The following TBCK variants were observed in gnomAD, a reference collection of about 807,000 sequenced individuals.
TBCK encodes the protein TBC domain-containing protein kinase-like protein.
TBCK carries 99 observed loss-of-function variants against 113.4 expected under a neutral mutation model. That is an observed-to-expected ratio of 0.87 (90% CI 0.74 to 1.03). The LOEUF (loss-of-function observed/expected upper bound fraction) is 1.03. Ranked by LOEUF, TBCK falls within the 50% of genes least tolerant of loss-of-function variation. The pLI is 0.00. For synonymous variants in TBCK, 369 were observed against 370.8 expected (o/e 1.00, Z 0.05); for missense variants, 1,045 against 1,061.3 (o/e 0.98, Z 0.21).
chr4:106,111,733 T>C (rs958444954), intron 24 of TBCK, among the ~76,000 whole-genome samples: 1 of 152,248 alleles, frequency 6.6e-6, no homozygotes, highest in Non-Finnish European at 1.5e-5. Context: ...AAAGTACAGA[T>C]GTCTTTCTCC....
intron 2 of TBCK, among the ~76,000 whole-genome samples, chr4:106,302,891 C>G (rs868468482): frequency 2.0e-4 from 31 of 152,054 alleles, no homozygotes; most frequent in Admixed American, 6.6e-4. Flanking sequence ...GTCACTAAAG[C>G]CAGGTAACAA....
intron 2 of TBCK, among the ~76,000 whole-genome samples, chr4:106,305,053 T>C (rs897848421): frequency 6.6e-6 from 1 of 152,208 alleles, no homozygotes; most frequent in African/African-American, 2.4e-5. Flanking sequence ...AGATTAAATC[T>C]GGGTTTGTTT....
Position 106,071,215 on chromosome 4 carries a change from G to C in TBCK, c.2571+24267C>G, listed in dbSNP as rs553240926. ...AGGGTGTCGATTTTAGATCTTTCCT[G>C]CTTTCTCTTGTGGGCATTTAGTGCT... On this transcript the variant is annotated intron_variant, in intron 25 of 25. Transcript: ENST00000394708. Among the ~76,000 whole-genome samples the C allele has an allele frequency of 2.6e-5, 4 of 152,206 alleles. No homozygotes were observed. The South Asian group carries it at 8.3e-4, about 32-fold the overall frequency.
rs571946620 is a variant in TBCK, at chr4:106,308,117, G to A, written c.193+651C>T. On this transcript the variant is annotated intron_variant, in intron 2 of 25. Coordinates refer to ENST00000394708, the MANE Select transcript of TBCK (RefSeq NM_001163435.3). ...AGATAAAGAAATATGTTTAAGAATAGACGGTTTCCCTGAAAAAGAAAATTA... is the reference window on the plus strand; with the variant it reads ...AGATAAAGAAATATGTTTAAGAATAAACGGTTTCCCTGAAAAAGAAAATTA... 3.9e-5 allele frequency among the ~76,000 whole-genome samples: 6 copies of A among 152,208 alleles called. No homozygotes were observed. The South Asian group carries it at 1.2e-3, about 32-fold the overall frequency.
At chr4:106,195,542 C>G (rs955326996) in intron 20 of TBCK, among the ~76,000 whole-genome samples, 3 of 146,580 alleles carry the variant, frequency 2.0e-5, no homozygotes, top group Non-Finnish European at 4.5e-5. Flanking sequence ...ATAAGATCAG[C>G]ATTTGAATCA....
intron 20 of TBCK, among the ~76,000 whole-genome samples, chr4:106,201,300 A>G (rs528614989): frequency 2.0e-4 from 31 of 152,156 alleles, no homozygotes; most frequent in Non-Finnish European, 3.8e-4. Context: ...TTCATCTTAA[A>G]TAATTACTCA....
intron 2 of TBCK, chr4:106,297,732 A>G (rs1160615833): frequency 6.6e-6 from 1 of 152,242 alleles, no homozygotes; most frequent in East Asian, 1.9e-4. Flanking sequence ...TTATTGCCTG[A>G]AATGATCTTT....
At chr4:106,120,651 C>T (rs1744209092) in intron 23 of TBCK, among the ~76,000 whole-genome samples, 2 of 152,182 alleles carry the variant, frequency 1.3e-5, no homozygotes, top group Admixed American at 1.3e-4. Flanking sequence ...CAGGTGGGTC[C>T]CTGACCCCTG....
intron 24 of TBCK, among the ~76,000 whole-genome samples, chr4:106,098,345 G>T (rs1386965690): frequency 2.6e-5 from 4 of 151,978 alleles, no homozygotes; most frequent in Admixed American, 2.6e-4. Flanking sequence ...CAGCTTCAAA[G>T]AACCCAGTTC....
chr4:106,227,802 T>C (rs1056590705), intron 19 of TBCK, among the ~76,000 whole-genome samples: 1 of 151,842 alleles, frequency 6.6e-6, no homozygotes, highest in Non-Finnish European at 1.5e-5. Flanking sequence ...ATAAGAAAAT[T>C]CCCTGGCCTT....
At chr4:106,120,154 G>A (rs1744096476) in intron 23 of TBCK, among the ~76,000 whole-genome samples, 1 of 152,210 alleles carries the variant, frequency 6.6e-6, no homozygotes. Flanking sequence ...CCTCACTGGG[G>A]AAGCGCAAGG....
chr4:106,297,344 T>C (rs1213707934), intron 2 of TBCK, among the ~76,000 whole-genome samples: 1 of 152,214 alleles, frequency 6.6e-6, no homozygotes, highest in Non-Finnish European at 1.5e-5. Flanking sequence ...GTAAATGATA[T>C]CACTATCCAG....
chr4:106,143,476 T>C (rs1478912352), intron 23 of TBCK, among the ~76,000 whole-genome samples: 2 of 152,128 alleles, frequency 1.3e-5, no homozygotes, highest in Non-Finnish European at 2.9e-5. Context: ...AAAAGGAAAA[T>C]AGTAAATGTC....
At chr4:106,189,561 A>C (rs1047393907) in intron 22 of TBCK, among the ~76,000 whole-genome samples, 1 of 152,116 alleles carries the variant, frequency 6.6e-6, no homozygotes, top group Non-Finnish European at 1.5e-5. Flanking sequence ...TAAGCCAGGG[A>C]GAAAAAATGA....
chr4:106,298,456 A>T (rs1169855310), intron 2 of TBCK, among the ~76,000 whole-genome samples: 1 of 151,810 alleles, frequency 6.6e-6, no homozygotes, highest in Non-Finnish European at 1.5e-5. Context: ...GAAAAAAAAA[A>T]AAAAATTAGC....
At chr4:106,316,682 A>G (rs1561017426), upstream of TBCK, 1 of 1,342,102 alleles carries the variant, frequency 7.5e-7, no homozygotes, top group Non-Finnish European at 1.0e-6. Flanking sequence ...TCCAGGAGAG[A>G]GGACCTGGCC....
chr4:106,240,510 T>C (rs1048445601), intron 12 of TBCK, among the ~76,000 whole-genome samples: 40 of 151,990 alleles, frequency 2.6e-4, no homozygotes, highest in African/African-American at 9.7e-4. Context: ...AAAAAATCAA[T>C]TGTGTTACTA....
At chr4:106,241,594 T>C (rs1760146059) in intron 12 of TBCK, among the ~76,000 whole-genome samples, 2 of 151,924 alleles carry the variant, frequency 1.3e-5, no homozygotes, top group East Asian at 1.9e-4. Flanking sequence ...TCCATATACA[T>C]AGAAAAAGTT....
intron 11 of TBCK, among the ~76,000 whole-genome samples, chr4:106,243,836 A>G (rs926702361): frequency 6.6e-6 from 1 of 151,972 alleles, no homozygotes; most frequent in African/African-American, 2.4e-5. Flanking sequence ...CTACAGGCAC[A>G]CAACACCACG....
Sources: allele counts gnomAD v4.1 joint callset (sites outside exome capture counted in the v4.1 genomes callset), GRCh38; gene constraint gnomAD v4.1.1; transcripts MANE v1.5; gene names NCBI Gene and HGNC (gene_info 2026-07-23, HGNC 2026-07-21).